The following KIAA1671 variants were observed in gnomAD, a reference collection of about 807,000 sequenced individuals.
KIAA1671 encodes uncharacterized protein KIAA1671.
KIAA1671 carries 52 observed loss-of-function variants against 131.2 expected under a neutral mutation model. That is an observed-to-expected ratio of 0.40 (90% CI 0.32 to 0.50). KIAA1671 has a LOEUF of 0.50. Ranked by LOEUF, KIAA1671 falls within the 20% of genes least tolerant of loss-of-function variation. The pLI, the probability that KIAA1671 is intolerant of heterozygous loss-of-function variation, is 0.73. For missense variants in KIAA1671, 2,360 were observed against 2,364.2 expected, an observed-to-expected ratio of 1.00 and a Z score of 0.04; for synonymous variants, 1,003 against 961.6, an observed-to-expected ratio of 1.04 and a Z score of -0.80.
At chr22:25,044,791 A>T (rs1332807236) in intron 5 of KIAA1671, among the ~76,000 whole-genome samples, 1 of 152,188 alleles carries the variant, frequency 6.6e-6, no homozygotes, top group Non-Finnish European at 1.5e-5. Flanking sequence ...CTATATTGAC[A>T]GTCACTTATC....
chr22:25,088,668 A>G (rs1192428358), intron 6 of KIAA1671, among the ~76,000 whole-genome samples: 1 of 152,214 alleles, frequency 6.6e-6, no homozygotes, highest in African/African-American at 2.4e-5. Flanking sequence ...TAATTGGAAA[A>G]GTAATACACA....
At chr22:25,118,570 C>T (rs542161264) in intron 6 of KIAA1671, among the ~76,000 whole-genome samples, 8 of 152,200 alleles carry the variant, frequency 5.3e-5, no homozygotes, top group Non-Finnish European at 8.8e-5. Context: ...GGATTACAGA[C>T]GTGAGACACT....
At position 25,040,369 on chromosome 22, in the gene KIAA1671, T is replaced by C. The variant is rs374650501; in HGVS notation, c.3239T>C (p.Leu1080Ser). The C allele has an allele frequency of 3.5e-5, 54 of 1,551,848 alleles. No individual in the cohort carries two copies. The African/African-American group carries it at 6.0e-4, about 17-fold the overall frequency. The change falls in exon 5 of 13, where the codon TTG becomes TCG. Residue 1080 changes from leucine (L) to serine (S), a missense_variant. Physicochemically the swap from Leu to Ser is moderately radical, Grantham distance 145. Coordinates refer to ENST00000358431, the MANE Select transcript of KIAA1671 (RefSeq NM_001145206.2). ...TLVSLGHEEA[L>S]EMAGSKNWMK... ...GTTTCTCTTGGTCATGAAGAGGCATTGGAGATGGCAGGCAGTAAAAACTGG... is the reference window on the plus strand; with the variant it reads ...GTTTCTCTTGGTCATGAAGAGGCATCGGAGATGGCAGGCAGTAAAAACTGG...
rs1359192239 is a variant in KIAA1671 at position 25,193,320 on chromosome 22, G to T, written c.*919G>T. 2.6e-5 allele frequency: 4 copies of T among 152,078 alleles called. No homozygotes were observed. The highest frequency in any genetic ancestry group is 5.9e-5 in the Non-Finnish European group (4 of 68,026). The allele number at this position is 152,078 out of a possible 1,614,324, so 9.4% of individuals were successfully genotyped here. On this transcript the variant is annotated 3_prime_UTR_variant, in exon 13 of 13. Coordinates refer to ENST00000358431, the MANE Select transcript of KIAA1671 (RefSeq NM_001145206.2). ...GTGACCTTTGCCCCTTGGCCTTAAG[G>T]GTTCATAAACTGCAGCCCAAGTGGT...
intron 1 of KIAA1671, among the ~76,000 whole-genome samples, chr22:24,953,204 T>C (rs1216333425): frequency 6.6e-6 from 1 of 152,022 alleles, no homozygotes; most frequent in Non-Finnish European, 1.5e-5. Context: ...ATCAATCTCC[T>C]CCCATGCCAG....
At position 25,190,692 on chromosome 22, in the gene KIAA1671, G is replaced by T; in HGVS notation, c.5343-10G>T. ...TTTCAACTAGTCTCTTACTGGCTTTGTGGTTTCAGGTCGGATGAACCCTCT... is the reference window on the plus strand; with the variant it reads ...TTTCAACTAGTCTCTTACTGGCTTTTTGGTTTCAGGTCGGATGAACCCTCT... On this transcript the variant is annotated splice_polypyrimidine_tract_variant and intron_variant, in intron 11 of 12. Transcript: ENST00000358431. 6.4e-7 allele frequency: 1 copy of T among 1,550,636 alleles called. No individual in the cohort carries two copies. Among genetic ancestry groups the T allele is most frequent in the Non-Finnish European group, 8.7e-7 (1 of 1,145,962 alleles).
At position 25,093,737 on chromosome 22, in the gene KIAA1671, ACT is replaced by A. The variant is rs1326086246; in HGVS notation, c.4530+44402_4530+44403del. Among the ~76,000 whole-genome samples the A allele has an allele frequency of 4.0e-4, 12 of 30,150 alleles. 1 individual carries two copies. Among genetic ancestry groups the A allele is most frequent in the South Asian group, 2.5e-3 (2 of 796 alleles). 19.8% of individuals were successfully genotyped at this position (30,150 alleles called of 152,430 possible). ...CACACACACACACACACACACACAC[ACT>A]CTCTCTCTCTCTCTCTCTCTCTCTC... On this transcript the variant is annotated intron_variant, in intron 6 of 12. Transcript: ENST00000358431.
intron 6 of KIAA1671, among the ~76,000 whole-genome samples, chr22:25,083,834 C>T (rs1929542259): frequency 6.6e-6 from 1 of 152,240 alleles, no homozygotes; most frequent in Admixed American, 6.5e-5. Context: ...CCCCTGCTGC[C>T]CCAGCTTGCC....
chr22:25,140,286 C>G (rs567844239), intron 6 of KIAA1671, among the ~76,000 whole-genome samples: 1 of 152,368 alleles, frequency 6.6e-6, no homozygotes, highest in East Asian at 1.9e-4. Context: ...TTCCTTGCCA[C>G]ATGGGCTTTC....
chr22:25,068,177 C>T (rs1412416905), intron 6 of KIAA1671, among the ~76,000 whole-genome samples: 1 of 148,390 alleles, frequency 6.7e-6, no homozygotes, highest in East Asian at 2.0e-4. Flanking sequence ...CCGACTGTGC[C>T]GTCAGGGAGC....
chr22:25,049,854 A>T (rs1333406115), intron 6 of KIAA1671: 1 of 152,686 alleles, frequency 6.5e-6, no homozygotes, highest in African/African-American at 2.4e-5. Context: ...TGATAACAGG[A>T]GGCAGCAGAA....
At chr22:25,121,918 C>T (rs1931963649) in intron 6 of KIAA1671, among the ~76,000 whole-genome samples, 1 of 152,128 alleles carries the variant, frequency 6.6e-6, no homozygotes, top group Non-Finnish European at 1.5e-5. Flanking sequence ...GCAGTTGTCC[C>T]TCAGGGGCCA....
chr22:25,094,128 TGA>T (rs749193859), intron 6 of KIAA1671, among the ~76,000 whole-genome samples: 35 of 152,100 alleles, frequency 2.3e-4, no homozygotes, highest in Non-Finnish European at 3.5e-4. Context: ...CAGACCTTCT[TGA>T]GAGAGGAGTT....
intron 6 of KIAA1671, among the ~76,000 whole-genome samples, chr22:25,120,433 G>C (rs535597276): frequency 5.9e-4 from 90 of 152,284 alleles, no homozygotes; most frequent in African/African-American, 2.2e-3. Flanking sequence ...TTCCTTTATA[G>C]ATCTAGCCTG....
In KIAA1671 at chr22:25,158,575, C is replaced by T. The variant is rs147384103; in HGVS notation, c.4531-12245C>T. On this transcript the variant is annotated intron_variant, in intron 6 of 12. Coordinates refer to ENST00000358431, the MANE Select transcript of KIAA1671 (RefSeq NM_001145206.2). ...CCGCATTTTAGGGACACATTCCAAACAGACCCCGGGCCATACTGCCAGCAG... is the reference window on the plus strand; with the variant it reads ...CCGCATTTTAGGGACACATTCCAAATAGACCCCGGGCCATACTGCCAGCAG... Among the ~76,000 whole-genome samples, 24 of 152,212 alleles carry T rather than the reference C, an allele frequency of 1.6e-4. No homozygotes were observed. The East Asian group carries it at 4.6e-3, about 29-fold the overall frequency.
At chr22:25,034,349 A>G (rs1926472981) in intron 4 of KIAA1671, among the ~76,000 whole-genome samples, 1 of 151,950 alleles carries the variant, frequency 6.6e-6, no homozygotes. Flanking sequence ...CCCGGCCACG[A>G]CGTTGTAATC....
intron 1 of KIAA1671, among the ~76,000 whole-genome samples, chr22:24,991,430 G>A (rs967428219): frequency 3.9e-5 from 6 of 152,018 alleles, no homozygotes; most frequent in Middle Eastern, 3.4e-3. Flanking sequence ...TGGACAGACA[G>A]TTCATCTCTT....
At chr22:24,954,494 C>T (rs543707656) in intron 1 of KIAA1671, among the ~76,000 whole-genome samples, 4 of 152,218 alleles carry the variant, frequency 2.6e-5, no homozygotes, top group Non-Finnish European at 5.9e-5. Context: ...AATGCAGTGT[C>T]TGGACATACA....
chr22:25,124,860 G>A (rs1240462785), intron 6 of KIAA1671, among the ~76,000 whole-genome samples: 1 of 152,106 alleles, frequency 6.6e-6, no homozygotes, highest in Non-Finnish European at 1.5e-5. Flanking sequence ...AGGCTCATAC[G>A]ATCCTCCCAT....
Sources: gnomAD v4.1 joint callset for allele counts (sites outside exome capture counted in the v4.1 genomes callset) on GRCh38, gnomAD v4.1.1 for gene constraint, MANE v1.5 for transcripts, NCBI Gene and HGNC (gene_info 2026-07-23, HGNC 2026-07-21) for gene names.